The following PTPRM variants were observed in gnomAD, a reference collection of about 807,000 sequenced individuals.
PTPRM encodes receptor-type tyrosine-protein phosphatase mu.
In PTPRM, 47 loss-of-function variants were observed where a neutral mutation model predicts 186.7. The observed-to-expected ratio is 0.25, with a 90% CI of 0.20 to 0.32. The LOEUF is 0.32. Among genes scored for constraint, PTPRM ranks in the 10% least tolerant of loss-of-function variants. The pLI is 1.00. For missense variants in PTPRM, 1,494 were observed against 1,865.0 expected, an observed-to-expected ratio of 0.80 and a Z score of 3.66; for synonymous variants, 668 against 674.9, an observed-to-expected ratio of 0.99 and a Z score of 0.16.
chr18:8,231,318 G>A (rs1430807230), intron 14 of PTPRM, among the ~76,000 whole-genome samples: 1 of 152,112 alleles, frequency 6.6e-6, no homozygotes, highest in Non-Finnish European at 1.5e-5. Flanking sequence ...TGATACCCAT[G>A]GCAGACGGGC....
chr18:7,922,430 C>A (rs2050920533), intron 4 of PTPRM, among the ~76,000 whole-genome samples: 1 of 152,206 alleles, frequency 6.6e-6, no homozygotes, highest in Admixed American at 6.5e-5. Flanking sequence ...GGACAGATTT[C>A]CTGCCAGGCA....
intron 1 of PTPRM, among the ~76,000 whole-genome samples, chr18:7,644,913 T>C (rs2038526313): frequency 6.6e-6 from 1 of 152,152 alleles, no homozygotes; most frequent in Non-Finnish European, 1.5e-5. Flanking sequence ...ATCTTTCCAA[T>C]TACCTAAACA....
In PTPRM at chr18:8,159,141, G is replaced by A. The variant is rs552687330; in HGVS notation, c.2300+15362G>A. 3.3e-5 allele frequency among the ~76,000 whole-genome samples: 5 copies of A among 152,228 alleles called. No individual in the cohort carries two copies. The South Asian group carries it at 1.0e-3, about 32-fold the overall frequency. ...AAAATTACATAAAATTAATTTTTAA[G>A]AAGGATACAGAGGCGCCACTGTGTT... On this transcript the variant is annotated intron_variant, in intron 14 of 32. Coordinates refer to ENST00000580170, the MANE Select transcript of PTPRM (RefSeq NM_001105244.2).
chr18:7,585,209 A>T (rs193087210), intron 1 of PTPRM, among the ~76,000 whole-genome samples: 1 of 152,336 alleles, frequency 6.6e-6, no homozygotes, highest in East Asian at 1.9e-4. Flanking sequence ...ATTCAGGTTG[A>T]TGCAGAGGGA....
chr18:7,990,052 C>T (rs1453556640), intron 7 of PTPRM, among the ~76,000 whole-genome samples: 1 of 152,004 alleles, frequency 6.6e-6, no homozygotes, highest in African/African-American at 2.4e-5. Flanking sequence ...TACAGGCATG[C>T]ACCACCACGC....
intron 2 of PTPRM, among the ~76,000 whole-genome samples, chr18:7,836,240 T>A (rs188895451): frequency 4.6e-5 from 7 of 152,262 alleles, no homozygotes; most frequent in African/African-American, 1.4e-4. Context: ...TGTCTGGCTT[T>A]TTTGTGTGTG....
chr18:7,935,468 G>T (rs190514439), intron 5 of PTPRM, among the ~76,000 whole-genome samples: 33 of 152,128 alleles, frequency 2.2e-4, no homozygotes, highest in Admixed American at 1.8e-3. Context: ...AGTATAACAT[G>T]TCTAGGGATA....
chr18:8,338,457 CTG>C (rs972973373), intron 22 of PTPRM, among the ~76,000 whole-genome samples: 49 of 151,660 alleles, frequency 3.2e-4, no homozygotes, highest in African/African-American at 1.2e-3. Context: ...ATTGTGAGGA[CTG>C]TGTGGTACAC....
At chr18:7,684,853 G>T (rs1403709498) in intron 1 of PTPRM, among the ~76,000 whole-genome samples, 1 of 151,942 alleles carries the variant, frequency 6.6e-6, no homozygotes, top group Non-Finnish European at 1.5e-5. Flanking sequence ...TTTCTTTTTT[G>T]GGTAAATACA....
intron 7 of PTPRM, among the ~76,000 whole-genome samples, chr18:7,980,495 C>A (rs1294464931): frequency 6.6e-6 from 1 of 152,010 alleles, no homozygotes; most frequent in African/African-American, 2.4e-5. Flanking sequence ...GTGATCCTCC[C>A]GCCTCAGCCT....
intron 22 of PTPRM, among the ~76,000 whole-genome samples, chr18:8,334,944 C>A (rs2095430632): frequency 6.6e-6 from 1 of 152,158 alleles, no homozygotes; most frequent in Non-Finnish European, 1.5e-5. Context: ...AGGCTGAGCC[C>A]ACACCTGATC....
chr18:7,694,428 T>C (rs2039798313), intron 1 of PTPRM, among the ~76,000 whole-genome samples: 1 of 112,882 alleles, frequency 8.9e-6, no homozygotes, highest in Non-Finnish European at 1.7e-5. Context: ...TCTTCCTTCC[T>C]TCCTTTTTTT....
chr18:8,171,942 C>T lies in PTPRM; in HGVS notation c.2300+28163C>T, dbSNP rs144233805. ...ATAAAGTGTGGAATATCTCATTTAA[C>T]TTATTGAATACTGTGCCGAAAGTGA... On this transcript the variant is annotated intron_variant, in intron 14 of 32. Coordinates refer to ENST00000580170, the MANE Select transcript of PTPRM (RefSeq NM_001105244.2). Among the ~76,000 whole-genome samples the T allele has an allele frequency of 6.4e-3, 981 of 152,242 alleles. 10 individuals carry two copies. The highest frequency in any genetic ancestry group is 0.023 in the African/African-American group (951 of 41,530).
chr18:7,625,966 C>T (rs566489835), intron 1 of PTPRM, among the ~76,000 whole-genome samples: 9 of 152,274 alleles, frequency 5.9e-5, no homozygotes, highest in South Asian at 2.1e-4. Context: ...CCCAGGTCCT[C>T]GGCATCCAGC....
At chr18:8,338,960 G>A (rs1171883026) in intron 22 of PTPRM, among the ~76,000 whole-genome samples, 7 of 152,094 alleles carry the variant, frequency 4.6e-5, no homozygotes, top group Non-Finnish European at 1.0e-4. Context: ...ATAGATGTAG[G>A]GGTACAAGTG....
intron 5 of PTPRM, among the ~76,000 whole-genome samples, chr18:7,934,480 A>C (rs1374823731): frequency 2.0e-5 from 3 of 152,198 alleles, no homozygotes; most frequent in Non-Finnish European, 2.9e-5. Flanking sequence ...AAACCTTGAG[A>C]TTTTTATAAC....
At chr18:7,772,074 G>A (rs1189695148) in intron 1 of PTPRM, among the ~76,000 whole-genome samples, 5 of 152,192 alleles carry the variant, frequency 3.3e-5, no homozygotes, top group Non-Finnish European at 5.9e-5. Context: ...AAGGGCAGTA[G>A]CCCGTTGAAT....
chr18:8,241,537 G>A (rs527436044), intron 14 of PTPRM, among the ~76,000 whole-genome samples: 6 of 152,222 alleles, frequency 3.9e-5, no homozygotes, highest in East Asian at 3.9e-4. Context: ...TTGACAACAC[G>A]TAAAAATTAA....
At chr18:8,334,560 G>T (rs1457185243) in intron 22 of PTPRM, among the ~76,000 whole-genome samples, 2 of 152,236 alleles carry the variant, frequency 1.3e-5, no homozygotes, top group African/African-American at 2.4e-5. Flanking sequence ...TCACCACCTG[G>T]ACATTTCTGC....
Sources: gnomAD v4.1 joint callset for allele counts (sites outside exome capture counted in the v4.1 genomes callset) on GRCh38, gnomAD v4.1.1 for gene constraint, MANE v1.5 for transcripts, NCBI Gene and HGNC (gene_info 2026-07-23, HGNC 2026-07-21) for gene names.